The following ABCC1 variants were observed in gnomAD, a reference collection of about 807,000 sequenced individuals.
ABCC1 encodes the protein ATP binding cassette subfamily C member 1 (ABCC1 blood group).
A neutral mutation model predicts 172.9 loss-of-function variants in ABCC1; 83 were observed. The ratio of observed to expected loss-of-function variants is 0.48; its 90% confidence interval spans 0.40 to 0.58. ABCC1 has a LOEUF of 0.58. ABCC1 is among the 20% of genes least tolerant of loss of function. The probability of loss-of-function intolerance (pLI) is 0.00; values close to 1 mark genes in which losing one functional copy is unlikely to be tolerated. For missense variants in ABCC1, 1,817 were observed against 2,002.7 expected (o/e 0.91, Z 1.77); for synonymous variants, 937 against 825.2 (o/e 1.14, Z -2.32).
intron 24 of ABCC1, 132 bp from the exon 25 acceptor site, chr16:16,124,657 A>G: frequency 7.5e-7 from 1 of 1,326,912 alleles, no homozygotes; most frequent in South Asian, 1.3e-5. Context: ...AGTGCCAGGA[A>G]GGACTCTCTC....
intron 19 of ABCC1, among the ~76,000 whole-genome samples, chr16:16,101,784 C>G (rs1443972262): frequency 6.6e-6 from 1 of 152,124 alleles, no homozygotes; most frequent in Admixed American, 6.5e-5. Flanking sequence ...CCCAAGTGCA[C>G]TTGATAAATG....
At chr16:16,107,090 C>G (rs2052155562) in intron 21 of ABCC1, among the ~76,000 whole-genome samples, 1 of 152,130 alleles carries the variant, frequency 6.6e-6, no homozygotes, top group African/African-American at 2.4e-5. Flanking sequence ...GATTTGAACC[C>G]TGGCCAACTC....
In ABCC1 at chr16:16,125,796, T is replaced by C. The variant is rs1335618948; in HGVS notation, c.3718-14T>C. The C allele has an allele frequency of 6.3e-7, 1 of 1,597,200 alleles. No homozygotes were observed. The highest frequency in any genetic ancestry group is 1.3e-5 in the African/African-American group (1 of 74,262). Reference sequence around the variant, plus strand: ...GCTTACTCTAGAAATGCCACGTGACTCTTCCACTCACAGGTCACCACGTAC... The same window carrying C: ...GCTTACTCTAGAAATGCCACGTGACCCTTCCACTCACAGGTCACCACGTAC... On this transcript the variant is annotated splice_polypyrimidine_tract_variant and intron_variant, in intron 25 of 30. Transcript: ENST00000399410.
chr16:16,048,447 T>C, intron 10 of ABCC1, 144 bp downstream of exon 10: 1 of 978,544 alleles, frequency 1.0e-6, no homozygotes. Flanking sequence ...TTTTCCAGCC[T>C]GTTAACCAAT....
At chr16:16,055,562 A>G (rs2049613973) in intron 11 of ABCC1, among the ~76,000 whole-genome samples, 1 of 150,134 alleles carries the variant, frequency 6.7e-6, no homozygotes, top group South Asian at 2.1e-4. Context: ...AAAAAAAAAG[A>G]AAAAATACGA....
At chr16:15,979,872 A>G (rs1312205127) in intron 1 of ABCC1, among the ~76,000 whole-genome samples, 1 of 152,074 alleles carries the variant, frequency 6.6e-6, no homozygotes, top group East Asian at 1.9e-4. Flanking sequence ...GTTACACTGA[A>G]TTGACATTTT....
chr16:16,083,528 G>A lies in ABCC1; in HGVS notation c.2278G>A (p.Glu760Lys). ...LEILPSGDRT[E>K]IGEKGVNLSG... Reference sequence around the variant, plus strand: ...AATCCTGCCCAGTGGGGATCGGACAGAGATTGGCGAGAAGGTCAGTATAGG... The same window carrying A: ...AATCCTGCCCAGTGGGGATCGGACAAAGATTGGCGAGAAGGTCAGTATAGG... The change falls in exon 17 of 31, where the codon GAG (glutamate) becomes AAG (lysine). Residue 760 changes from glutamate (E) to lysine (K), a missense_variant. Around this residue, in one of 3 missense-constraint regions of ABCC1, gnomAD observed 1,412 missense variants for 1,600.3 expected, o/e 0.88. Coordinates refer to ENST00000399410, the MANE Select transcript of ABCC1 (RefSeq NM_004996.4). The A allele has an allele frequency of 6.2e-7, 1 of 1,613,122 alleles. No individual in the cohort carries two copies. Among genetic ancestry groups the A allele is most frequent in the Non-Finnish European group, 8.5e-7 (1 of 1,179,644 alleles).
chr16:15,957,620 G>A (rs966163393), intron 1 of ABCC1, among the ~76,000 whole-genome samples: 1 of 152,026 alleles, frequency 6.6e-6, no homozygotes, highest in African/African-American at 2.4e-5. Context: ...TATTTGAGAC[G>A]GAGTCTTGCT....
chr16:16,015,385 G>A (rs246212), intron 4 of ABCC1, among the ~76,000 whole-genome samples: 99,972 of 151,916 alleles, frequency 0.66, 34,162 homozygotes, highest in Non-Finnish European at 0.74. Context: ...TGATCCACCC[G>A]CCTCGGCCTC....
chr16:16,006,226 A>G (rs937369), intron 1 of ABCC1, among the ~76,000 whole-genome samples: 75,446 of 151,690 alleles, frequency 0.5, 19,633 homozygotes, highest in Non-Finnish European at 0.59. Context: ...TCCCAAAGTT[A>G]TTTAGTCAGT....
chr16:16,082,997 C>T (rs892695648), intron 16 of ABCC1, among the ~76,000 whole-genome samples: 8 of 152,174 alleles, frequency 5.3e-5, no homozygotes, highest in South Asian at 2.1e-4. Context: ...TTGCGTCCAC[C>T]GTAACTGTAA....
intron 29 of ABCC1, among the ~76,000 whole-genome samples, chr16:16,137,338 C>G (rs2045953000): frequency 6.6e-6 from 1 of 152,022 alleles, no homozygotes; most frequent in South Asian, 2.1e-4. Context: ...TCCGTGCATC[C>G]CTCATTCTCC....
intron 12 of ABCC1, among the ~76,000 whole-genome samples, chr16:16,063,477 T>G (rs938217936): frequency 6.6e-6 from 1 of 152,202 alleles, no homozygotes; most frequent in African/African-American, 2.4e-5. Flanking sequence ...GCTCTGTAAA[T>G]GTATGTAGGT....
chr16:16,118,356 G>C (rs1264621849), intron 23 of ABCC1, among the ~76,000 whole-genome samples: 1 of 151,144 alleles, frequency 6.6e-6, no homozygotes, highest in Non-Finnish European at 1.5e-5. Context: ...AGAACGAACA[G>C]TGATGGAATC....
In ABCC1 at chr16:16,106,847, GAGGCTGACA is replaced by G. The variant is rs1474811915; in HGVS notation, c.2850_2858del (p.Asp951_Ala953del). ...GAAGGAGGAGACCTGGAAGCTGATG[GAGGCTGACA>G]AGGCGCAGACAGGGCAGGTGAGATT... is the stretch of plus-strand genomic sequence containing the variant. On this transcript the variant is annotated inframe_deletion, in exon 21 of 31. Transcript: ENST00000399410. 1 of 1,614,048 alleles carries G rather than the reference GAGGCTGACA, an allele frequency of 6.2e-7. No homozygotes were observed. Among genetic ancestry groups the G allele is most frequent in the African/African-American group, 1.3e-5 (1 of 74,932 alleles).
At chr16:16,122,259 G>A in intron 24 of ABCC1, 85 bp downstream of exon 24, 8 of 1,482,160 alleles carry the variant, frequency 5.4e-6, no homozygotes, top group Non-Finnish European at 7.4e-6. Flanking sequence ...CTCGCACCTT[G>A]AGCTGGGTAT....
chr16:15,969,749 G>A (rs1370368071), intron 1 of ABCC1, among the ~76,000 whole-genome samples: 3 of 151,948 alleles, frequency 2.0e-5, no homozygotes, highest in East Asian at 1.9e-4. Flanking sequence ...GGGTGAGTGG[G>A]TATCTTAGAC....
chr16:16,013,819 G>C (rs1334966462), intron 3 of ABCC1, among the ~76,000 whole-genome samples: 2 of 152,128 alleles, frequency 1.3e-5, no homozygotes, highest in Non-Finnish European at 2.9e-5. Context: ...TGAGGGCAGA[G>C]GACCAGCTGC....
intron 1 of ABCC1, among the ~76,000 whole-genome samples, chr16:15,953,265 A>G (rs1035352374): frequency 1.3e-5 from 2 of 151,592 alleles, no homozygotes; most frequent in East Asian, 1.9e-4. Flanking sequence ...GAACCTGGGA[A>G]GAGGTTGCAG....
Sources: gnomAD v4.1 joint callset for allele counts (sites outside exome capture counted in the v4.1 genomes callset) on GRCh38, gnomAD v4.1.1 for gene constraint, gnomAD v4.1.1 regional missense constraint, MANE v1.5 for transcripts, NCBI Gene and HGNC (gene_info 2026-07-23, HGNC 2026-07-21) for gene names.